The following PTPRE variants were observed in gnomAD, a reference collection of about 807,000 sequenced individuals.
PTPRE encodes receptor-type tyrosine-protein phosphatase epsilon.
Under a neutral mutation model 102.0 loss-of-function variants are expected in PTPRE, and 51 were observed. That is an observed-to-expected ratio of 0.50 (90% CI 0.40 to 0.63). The LOEUF (loss-of-function observed/expected upper bound fraction) is 0.63. Among genes scored for constraint, PTPRE ranks in the 30% least tolerant of loss-of-function variants. PTPRE has a pLI of 0.00. For synonymous variants in PTPRE, 345 were observed against 348.2 expected, an observed-to-expected ratio of 0.99 and a Z score of 0.10; for missense variants, 752 against 915.1, an observed-to-expected ratio of 0.82 and a Z score of 2.30.
chr10:128,017,529 A>G (rs1442317025), intron 2 of PTPRE, among the ~76,000 whole-genome samples: 1 of 151,978 alleles, frequency 6.6e-6, no homozygotes, highest in Non-Finnish European at 1.5e-5. Flanking sequence ...TGCCCTCCCC[A>G]CACAGGCACA....
chr10:128,047,059 C>T (rs764225729), intron 3 of PTPRE, among the ~76,000 whole-genome samples: 12 of 152,176 alleles, frequency 7.9e-5, no homozygotes, highest in Non-Finnish European at 1.8e-4. Flanking sequence ...CAGTGGACAC[C>T]GGCCCCTTCA....
intron 11 of PTPRE, among the ~76,000 whole-genome samples, chr10:128,066,927 C>A (rs967238809): frequency 5.9e-5 from 9 of 151,362 alleles, no homozygotes; most frequent in Admixed American, 3.9e-4. Flanking sequence ...CACACAGGCA[C>A]ACACATGCAC....
chr10:127,951,513 G>A (rs927375147), intron 1 of PTPRE, among the ~76,000 whole-genome samples: 2 of 152,188 alleles, frequency 1.3e-5, no homozygotes, highest in Admixed American at 6.5e-5. Context: ...GCTTATGGAT[G>A]TCAGGTGATC....
chr10:128,024,180 G>T (rs1846130070), intron 2 of PTPRE, among the ~76,000 whole-genome samples: 1 of 152,158 alleles, frequency 6.6e-6, no homozygotes, highest in African/African-American at 2.4e-5. Context: ...TCACTTTAAG[G>T]CTCTCAAGGG....
At chr10:128,027,735 A>C (rs552048390) in intron 2 of PTPRE, among the ~76,000 whole-genome samples, 7 of 152,338 alleles carry the variant, frequency 4.6e-5, no homozygotes, top group African/African-American at 1.7e-4. Context: ...AAGAGCCCGA[A>C]AAAGCAGGCT....
rs1278263146 is a variant in PTPRE at position 128,077,611 on chromosome 10, C to G, written c.1726-6C>G. On this transcript the variant is annotated splice_polypyrimidine_tract_variant and splice_region_variant and intron_variant, in intron 18 of 20. Transcript: ENST00000254667. ...GCGACGCTGAGACCCCCTCTCCTCCCTGCAGCCCCAGGCCCGCCAGGAGGA... is the reference window on the plus strand; with the variant it reads ...GCGACGCTGAGACCCCCTCTCCTCCGTGCAGCCCCAGGCCCGCCAGGAGGA... 1 of 1,600,132 alleles carries G rather than the reference C, an allele frequency of 6.2e-7. No homozygotes were observed. Among genetic ancestry groups the G allele is most frequent in the Non-Finnish European group, 8.5e-7 (1 of 1,169,756 alleles).
At chr10:127,983,702 C>T (rs1851826015) in intron 2 of PTPRE, among the ~76,000 whole-genome samples, 1 of 152,196 alleles carries the variant, frequency 6.6e-6, no homozygotes, top group Non-Finnish European at 1.5e-5. Context: ...TGATTTGTTA[C>T]AAGTGTGTGA....
intron 2 of PTPRE, among the ~76,000 whole-genome samples, chr10:128,040,092 C>T (rs1847551326): frequency 1.3e-5 from 2 of 152,196 alleles, no homozygotes; most frequent in East Asian, 1.9e-4. Context: ...ACCTGCATCC[C>T]AGGGTACTCA....
intron 10 of PTPRE, 150 bp downstream of exon 10, chr10:128,063,330 C>A: frequency 7.2e-7 from 1 of 1,393,874 alleles, no homozygotes; most frequent in East Asian, 2.5e-5. Context: ...TGGCTTACAG[C>A]ATTTTCTTCA....
intron 4 of PTPRE, 61 bp from the exon 5 acceptor site, chr10:128,047,703 G>A (rs1405650029): frequency 6.2e-7 from 1 of 1,614,148 alleles, no homozygotes; most frequent in East Asian, 2.2e-5. Context: ...ACTGTGCCGA[G>A]CGCTGTTGGC....
intron 19 of PTPRE, among the ~76,000 whole-genome samples, chr10:128,079,235 A>C (rs1851487408): frequency 6.6e-6 from 1 of 152,178 alleles, no homozygotes; most frequent in South Asian, 2.1e-4. Flanking sequence ...CTGCTGGTCC[A>C]GGGACCACAC....
In PTPRE at chr10:128,047,818, C is replaced by T. The variant is rs772164175; in HGVS notation, c.264C>T (p.Asn88=). 1.8e-5 allele frequency: 29 copies of T among 1,602,606 alleles called. No individual in the cohort carries two copies. In the Admixed American group the frequency reaches 2.2e-4, roughly 12 times the overall value. The change falls in exon 5 of 21, where the codon AAC becomes AAT. Residue 88 remains asparagine (N), a synonymous_variant. Coordinates refer to ENST00000254667, the MANE Select transcript of PTPRE (RefSeq NM_006504.6). ...GCACCAGCGACAAGAAGATGCCCAA[C>T]GGAATCTTGGAGGAGCAAGGTACAG... is the stretch of plus-strand genomic sequence containing the variant. The part of the protein sequence containing the change: ...VVSTSDKKMP[N]GILEEQEQQR...
At chr10:127,946,660 A>G (rs1434632992) in intron 1 of PTPRE, among the ~76,000 whole-genome samples, 8 of 152,244 alleles carry the variant, frequency 5.3e-5, no homozygotes. Context: ...AGGTGTGTGC[A>G]GACACACTGC....
At chr10:128,068,383 G>A (rs1461355361) in intron 12 of PTPRE, 97 bp downstream of exon 12, 3 of 1,422,194 alleles carry the variant, frequency 2.1e-6, no homozygotes, top group Non-Finnish European at 2.9e-6. Context: ...TATCAGGGTG[G>A]GCAGAGGTTT....
chr10:127,926,953 A>C (rs1847064645), intron 1 of PTPRE, among the ~76,000 whole-genome samples: 2 of 151,764 alleles, frequency 1.3e-5, no homozygotes, highest in Admixed American at 1.3e-4. Flanking sequence ...CTGGGATTAC[A>C]GGTGTGCACC....
chr10:127,919,756 A>C (rs1846458615), intron 1 of PTPRE, among the ~76,000 whole-genome samples: 1 of 152,180 alleles, frequency 6.6e-6, no homozygotes, highest in South Asian at 2.1e-4. Flanking sequence ...TACTTCCAGG[A>C]GATGCTTGAG....
intron 6 of PTPRE, among the ~76,000 whole-genome samples, chr10:128,050,500 G>A (rs753012604): frequency 6.6e-6 from 1 of 152,184 alleles, no homozygotes; most frequent in Non-Finnish European, 1.5e-5. Flanking sequence ...TGGGCAGATA[G>A]AGAAGTAGAC....
intron 1 of PTPRE, among the ~76,000 whole-genome samples, chr10:127,978,913 C>G (rs1259496213): frequency 6.6e-6 from 1 of 152,212 alleles, no homozygotes; most frequent in East Asian, 1.9e-4. Context: ...CCCAGCTACT[C>G]AGGAGGCTGA....
chr10:128,068,087 G>GT, intron 11 of PTPRE, 36 bp from the exon 12 acceptor site: 1 of 1,590,522 alleles, frequency 6.3e-7, no homozygotes, highest in Non-Finnish European at 8.6e-7. Context: ...GGGGAGGATT[G>GT]TTTCACCCAC....
Sources: gnomAD v4.1 joint callset for allele counts (sites outside exome capture counted in the v4.1 genomes callset) on GRCh38, gnomAD v4.1.1 for gene constraint, MANE v1.5 for transcripts, NCBI Gene and HGNC (gene_info 2026-07-23, HGNC 2026-07-21) for gene names.